The following NVL variants were observed in gnomAD, a reference collection of about 807,000 sequenced individuals.
NVL encodes nuclear valosin-containing protein-like.
In NVL, 84 loss-of-function variants were observed where a neutral mutation model predicts 110.2. The ratio of observed to expected loss-of-function variants is 0.76; its 90% CI spans 0.64 to 0.91. The LOEUF is 0.91. Ranked by LOEUF, NVL falls within the 40% of genes least tolerant of loss-of-function variation. The probability of loss-of-function intolerance (pLI) is 0.00; values close to 1 mark genes in which losing one functional copy is unlikely to be tolerated. For missense variants in NVL, 882 were observed against 1,035.9 expected (o/e 0.85, Z 2.04); for synonymous variants, 354 against 361.1 (o/e 0.98, Z 0.22).
Position 224,330,137 on chromosome 1 carries a change from C to G in NVL, c.-10G>C, listed in dbSNP as rs753970317. On this transcript the variant is annotated 5_prime_UTR_variant, in exon 1 of 23. Transcript: ENST00000281701. ...CAGGTCTGGGCTTCATCGCGTCGGT[C>G]TTCCAAGCCACAGCTCGGACCGCCA... The G allele has an allele frequency of 6.2e-7, 1 of 1,613,872 alleles. No individual in the cohort carries two copies. The highest frequency in any genetic ancestry group is 8.5e-7 in the Non-Finnish European group (1 of 1,179,862).
At chr1:224,280,711 A>G (rs1158026937) in intron 16 of NVL, among the ~76,000 whole-genome samples, 1 of 152,226 alleles carries the variant, frequency 6.6e-6, no homozygotes, top group Non-Finnish European at 1.5e-5. Context: ...AAATAAATTC[A>G]AAGTGTCTTA....
Position 224,230,856 on chromosome 1 carries a change from G to A in NVL, c.2526+370C>T, listed in dbSNP as rs375777993. Among the ~76,000 whole-genome samples the A allele has an allele frequency of 7.2e-5, 11 of 152,156 alleles. No homozygotes were observed. The South Asian group carries it at 1.0e-3, about 14-fold the overall frequency. On this transcript the variant is annotated intron_variant, in intron 22 of 22. Coordinates refer to ENST00000281701, the MANE Select transcript of NVL (RefSeq NM_002533.4). ...ATCTGTAAAAGAGTTTAATTCAGCCGGGCGCGGTGGCTCACGCCTGTAATC... is the reference window on the plus strand; with the variant it reads ...ATCTGTAAAAGAGTTTAATTCAGCCAGGCGCGGTGGCTCACGCCTGTAATC...
intron 19 of NVL, among the ~76,000 whole-genome samples, chr1:224,237,786 C>T (rs926137145): frequency 7.0e-6 from 1 of 142,412 alleles, no homozygotes; most frequent in African/African-American, 2.6e-5. Context: ...GATCTTGGCT[C>T]ACTGCAACCT....
At chr1:224,236,338 G>A (rs1488981603) in intron 20 of NVL, among the ~76,000 whole-genome samples, 168 bp downstream of exon 20, 3 of 152,192 alleles carry the variant, frequency 2.0e-5, no homozygotes, top group African/African-American at 7.2e-5. Context: ...GCCTCCAAAT[G>A]TGCAGTCTCT....
At chr1:224,300,911 C>G (rs756934480) in intron 9 of NVL, among the ~76,000 whole-genome samples, 6 of 151,824 alleles carry the variant, frequency 4.0e-5, no homozygotes, top group African/African-American at 1.5e-4. Flanking sequence ...TCGAGACCAC[C>G]CTGACCAACA....
chr1:224,313,158 CAAA>C (rs760756328), intron 4 of NVL: 1,359 of 78,226 alleles, frequency 0.017, no homozygotes, highest in South Asian at 0.047. Flanking sequence ...GACGCTGTCT[CAAA>C]AAAAAAAAAA....
At chr1:224,329,262 G>A (rs1307559540) in intron 1 of NVL, among the ~76,000 whole-genome samples, 1 of 152,064 alleles carries the variant, frequency 6.6e-6, no homozygotes, top group Non-Finnish European at 1.5e-5. Flanking sequence ...ATAGATAATA[G>A]AGTATGTAGA....
intron 4 of NVL, chr1:224,313,150 C>T (rs181977494): frequency 3.3e-4 from 75 of 228,722 alleles, no homozygotes; most frequent in Admixed American, 1.2e-3. Flanking sequence ...CAGAGCGAGA[C>T]GCTGTCTCAA....
chr1:224,285,208 G>A (rs1010961451), intron 15 of NVL, among the ~76,000 whole-genome samples: 33 of 152,078 alleles, frequency 2.2e-4, no homozygotes, highest in African/African-American at 6.5e-4. Context: ...AGGCCGAGAT[G>A]GGCGGATCAT....
At chr1:224,273,170 T>C (rs1349023546) in intron 17 of NVL, among the ~76,000 whole-genome samples, 1 of 152,128 alleles carries the variant, frequency 6.6e-6, no homozygotes, top group African/African-American at 2.4e-5. Context: ...CCCAGTACTT[T>C]GGGAGGCCGA....
At chr1:224,237,027 A>G (rs1008111901) in intron 19 of NVL, among the ~76,000 whole-genome samples, 2 of 152,242 alleles carry the variant, frequency 1.3e-5, no homozygotes, top group African/African-American at 4.8e-5. Context: ...TTCAATGTTG[A>G]GAAATGAGGC....
chr1:224,278,637 T>C (rs1401604423), intron 16 of NVL, among the ~76,000 whole-genome samples: 1 of 152,198 alleles, frequency 6.6e-6, no homozygotes, highest in Non-Finnish European at 1.5e-5. Flanking sequence ...ATGTCATATT[T>C]ACCAGACTGG....
At chr1:224,273,207 G>A (rs907873675) in intron 17 of NVL, among the ~76,000 whole-genome samples, 2 of 152,070 alleles carry the variant, frequency 1.3e-5, no homozygotes, top group Non-Finnish European at 2.9e-5. Flanking sequence ...GAGACCAAGA[G>A]TTCGAGACCA....
At chr1:224,278,315 C>T (rs1255487435) in intron 16 of NVL, among the ~76,000 whole-genome samples, 2 of 149,910 alleles carry the variant, frequency 1.3e-5, no homozygotes, top group Non-Finnish European at 3.0e-5. Flanking sequence ...CACCGTTAAC[C>T]TCCACCTCCT....
intron 18 of NVL, among the ~76,000 whole-genome samples, chr1:224,255,966 T>C (rs1334298072): frequency 1.3e-5 from 2 of 152,206 alleles, no homozygotes; most frequent in Non-Finnish European, 2.9e-5. Context: ...AGTACCATTG[T>C]TGAAAAGACT....
At chr1:224,265,041 G>A (rs373932114) in intron 18 of NVL, among the ~76,000 whole-genome samples, 1 of 151,168 alleles carries the variant, frequency 6.6e-6, no homozygotes, top group Admixed American at 6.6e-5. Context: ...CACCGTGCCC[G>A]GCCAGAACAT....
intron 4 of NVL, among the ~76,000 whole-genome samples, chr1:224,314,936 G>C (rs780517087): frequency 7.2e-5 from 11 of 152,202 alleles, no homozygotes; most frequent in Non-Finnish European, 1.2e-4. Flanking sequence ...GCTTAAACCC[G>C]GGAGGCGGTG....
intron 16 of NVL, among the ~76,000 whole-genome samples, chr1:224,279,298 T>G (rs1424799460): frequency 6.6e-6 from 1 of 151,948 alleles, no homozygotes; most frequent in African/African-American, 2.4e-5. Context: ...CAAGAATAGG[T>G]GTAGTCACTC....
intron 11 of NVL, 71 bp downstream of exon 11, chr1:224,296,430 A>G (rs909560080): frequency 1.3e-6 from 1 of 771,264 alleles, no homozygotes; most frequent in Non-Finnish European, 2.0e-6. Context: ...ATTATTTTTT[A>G]TCTTCATGTA....
Sources: allele counts gnomAD v4.1 joint callset (sites outside exome capture counted in the v4.1 genomes callset), GRCh38; gene constraint gnomAD v4.1.1; transcripts MANE v1.5; gene names NCBI Gene and HGNC (gene_info 2026-07-23, HGNC 2026-07-21).